MED12L: variants seen among roughly 807,000 people sequenced by gnomAD.
The protein encoded by MED12L is mediator of RNA polymerase II transcription subunit 12-like protein.
Under a neutral mutation model 281.3 loss-of-function variants are expected in MED12L, and 60 were observed. That is an observed-to-expected ratio of 0.21 (90% CI 0.17 to 0.26). The LOEUF is 0.26. Among genes scored for constraint, MED12L ranks in the 10% least tolerant of loss-of-function variants. The pLI is 1.00. For synonymous variants in MED12L, 974 were observed against 987.2 expected (o/e 0.99, Z 0.25); for missense variants, 2,146 against 2,680.9 (o/e 0.80, Z 4.41).
At chr3:151,240,749 C>G (rs1733910851) in intron 16 of MED12L, among the ~76,000 whole-genome samples, 1 of 152,206 alleles carries the variant, frequency 6.6e-6, no homozygotes, top group South Asian at 2.1e-4. Context: ...CAGTTTTGTG[C>G]ACTCTTGCAT....
At chr3:151,420,821 G>A (rs1042212872) in intron 43 of MED12L, among the ~76,000 whole-genome samples, 2 of 152,208 alleles carry the variant, frequency 1.3e-5, no homozygotes, top group Non-Finnish European at 2.9e-5. Flanking sequence ...CATGATGGTG[G>A]ATAAGGCATT....
chr3:151,405,191 C>T (rs928010737), intron 39 of MED12L, among the ~76,000 whole-genome samples: 9 of 152,088 alleles, frequency 5.9e-5, no homozygotes, highest in African/African-American at 2.2e-4. Flanking sequence ...TTAGAAAGTA[C>T]ATATTTATTT....
At chr3:151,151,031 C>CTATTTTTTTTTTTTTTTT (rs1718397799) in intron 5 of MED12L, among the ~76,000 whole-genome samples, 2 of 32,880 alleles carry the variant, frequency 6.1e-5, no homozygotes, top group African/African-American at 2.5e-4. Flanking sequence ...GCTGAAGTAG[C>CTATTTTTTTTTTTTTTTT]TTTTTTTTTT....
chr3:151,356,603 G>C (rs2150055817), intron 19 of MED12L, among the ~76,000 whole-genome samples: 1 of 152,026 alleles, frequency 6.6e-6, no homozygotes. Context: ...AAAAATGTGA[G>C]AGTTTTGAGT....
intron 16 of MED12L, among the ~76,000 whole-genome samples, chr3:151,234,031 G>A (rs1283015681): frequency 1.3e-5 from 2 of 152,188 alleles, no homozygotes; most frequent in Non-Finnish European, 2.9e-5. Flanking sequence ...GAAATACTTG[G>A]TGAAGATGAA....
chr3:151,386,105 G>T (rs1487546533), intron 36 of MED12L, among the ~76,000 whole-genome samples: 2 of 152,136 alleles, frequency 1.3e-5, no homozygotes, highest in Non-Finnish European at 2.9e-5. Flanking sequence ...GAAAATTGTG[G>T]TACAAATAAA....
intron 16 of MED12L, among the ~76,000 whole-genome samples, chr3:151,333,117 G>A (rs1461675670): frequency 1.3e-5 from 2 of 152,158 alleles, no homozygotes; most frequent in African/African-American, 2.4e-5. Context: ...TGGTGTATAT[G>A]TACCACATTT....
chr3:151,234,387 C>T (rs1470824330), intron 16 of MED12L, among the ~76,000 whole-genome samples: 2 of 152,192 alleles, frequency 1.3e-5, no homozygotes, highest in Non-Finnish European at 2.9e-5. Flanking sequence ...CAAATAGTTA[C>T]GTTGTAGAGC....
chr3:151,395,988 T>C (rs1040034987), intron 39 of MED12L, among the ~76,000 whole-genome samples: 4 of 152,170 alleles, frequency 2.6e-5, no homozygotes, highest in African/African-American at 9.7e-5. Context: ...AGAAACCAAT[T>C]GAACTGTATG....
chr3:151,310,310 C>A (rs1440392658), intron 16 of MED12L, among the ~76,000 whole-genome samples: 2 of 152,122 alleles, frequency 1.3e-5, no homozygotes, highest in Admixed American at 1.3e-4. Context: ...GAAGAAACAG[C>A]AGTAAGATGA....
chr3:151,378,606 C>T (rs940892429), intron 31 of MED12L, among the ~76,000 whole-genome samples: 7 of 151,890 alleles, frequency 4.6e-5, no homozygotes, highest in Non-Finnish European at 8.8e-5. Flanking sequence ...GGCTCCTGTT[C>T]TAGACTAGAC....
intron 17 of MED12L, among the ~76,000 whole-genome samples, chr3:151,352,646 AT>A (rs11325160): frequency 0.73 from 110,331 of 151,974 alleles, 40,456 homozygotes; most frequent in East Asian, 0.85. Context: ...GAACCAACTC[AT>A]TTAGGAGTGT....
chr3:151,160,801 T>C (rs1427365782), intron 8 of MED12L, among the ~76,000 whole-genome samples: 2 of 152,144 alleles, frequency 1.3e-5, no homozygotes, highest in African/African-American at 4.8e-5. Context: ...GTTGGGGAGA[T>C]ACACAGGGGG....
chr3:151,280,653 C>A (rs964573897), intron 16 of MED12L, among the ~76,000 whole-genome samples: 2 of 151,736 alleles, frequency 1.3e-5, no homozygotes, highest in African/African-American at 4.8e-5. Flanking sequence ...GACCTCTGTT[C>A]TGTGGTTTTA....
intron 16 of MED12L, among the ~76,000 whole-genome samples, chr3:151,242,803 C>G (rs1483220655): frequency 6.6e-6 from 1 of 151,330 alleles, no homozygotes; most frequent in African/African-American, 2.4e-5. Context: ...AGGCTTCAGA[C>G]GATCAAATTA....
intron 43 of MED12L, among the ~76,000 whole-genome samples, chr3:151,424,595 T>G (rs1718646215): frequency 6.6e-6 from 1 of 151,186 alleles, no homozygotes; most frequent in Non-Finnish European, 1.5e-5. Flanking sequence ...CACTGTAGCC[T>G]GGACGACTGA....
rs544934753 is a variant in MED12L at position 151,386,114 on chromosome 3, A to G, written c.5088+923A>G. Among the ~76,000 whole-genome samples the G allele has an allele frequency of 4.8e-4, 73 of 152,302 alleles. 3 individuals are homozygous for G. The South Asian group carries it at 0.015, about 31-fold the overall frequency. On this transcript the variant is annotated intron_variant, in intron 36 of 44. Coordinates refer to ENST00000687756, the MANE Select transcript of MED12L (RefSeq NM_001393769.1). ...GGTAGGGAAAATTGTGGTACAAATA[A>G]AGGGAGAGTTTATATGAAGACATGA... is the stretch of plus-strand genomic sequence containing the variant.
intron 16 of MED12L, among the ~76,000 whole-genome samples, chr3:151,290,191 C>CT (rs1312324451): frequency 1.3e-5 from 2 of 152,132 alleles, no homozygotes; most frequent in Admixed American, 1.3e-4. Flanking sequence ...CGACCGTACT[C>CT]TAACATAATT....
intron 16 of MED12L, among the ~76,000 whole-genome samples, chr3:151,240,758 A>G (rs946876458): frequency 5.9e-5 from 9 of 152,358 alleles, no homozygotes; most frequent in African/African-American, 1.9e-4. Context: ...GCACTCTTGC[A>G]TCTAACTTGT....
Sources: allele counts gnomAD v4.1 joint callset (sites outside exome capture counted in the v4.1 genomes callset), GRCh38; gene constraint gnomAD v4.1.1; transcripts MANE v1.5; gene names NCBI Gene and HGNC (gene_info 2026-07-23, HGNC 2026-07-21).